FCSK: variants seen among roughly 807,000 people sequenced by gnomAD.
FCSK encodes fucose kinase.
FCSK carries 123 observed loss-of-function variants against 122.5 expected under a neutral mutation model. That is an observed-to-expected ratio of 1.00 (90% confidence interval 0.87 to 1.17). The LOEUF (loss-of-function observed/expected upper bound fraction) is 1.17, where lower values mean the gene tolerates loss of function less well. FCSK is among the 50% of genes most tolerant of loss of function. The pLI, the probability that FCSK is intolerant of heterozygous loss-of-function variation, is 0.00. For synonymous variants in FCSK, 620 were observed against 625.5 expected, an observed-to-expected ratio of 0.99 and a Z score of 0.13; for missense variants, 1,366 against 1,450.4, an observed-to-expected ratio of 0.94 and a Z score of 0.95.
chr16:70,461,476 G>C (rs1481105559), intron 1 of FCSK, among the ~76,000 whole-genome samples: 2 of 152,074 alleles, frequency 1.3e-5, no homozygotes, highest in Non-Finnish European at 2.9e-5. Flanking sequence ...AGGGGTGGGG[G>C]TGAAGCCAAA....
rs748651971 is a variant in FCSK at position 70,467,409 on chromosome 16, A to G, written c.520A>G (p.Ile174Val). The stretch of plus-strand genomic sequence containing the variant: ...GGACAGCTTCCGGGGAGCCAGAGTG[A>G]TCGCCCTCCCAGGGAGCCCGGCCTA... ...SWDSFRGARV[I>V]ALPGSPAYAQ... is the part of the protein sequence containing the mutation. The change falls in exon 7 of 24, where the codon ATC becomes GTC. Residue 174 changes from isoleucine to valine, a missense_variant. By Grantham distance (29) the Ile-to-Val change is conservative. Transcript: ENST00000288078. 5.0e-6 allele frequency: 8 copies of G among 1,610,940 alleles called. No homozygotes were observed. The African/African-American group carries it at 1.1e-4, about 22-fold the overall frequency.
rs935905576 is a variant in FCSK, at chr16:70,469,134, T to G, written c.784-18T>G. ...ACCCCTGCCATGCCAATAGCTGTGC[T>G]TCTTCCCCTTCCCCTAGCTGTCTCT... On this transcript the variant is annotated intron_variant, in intron 9 of 23. Transcript: ENST00000288078. 6.2e-7 allele frequency: 1 copy of G among 1,613,856 alleles called. No homozygotes were observed. The highest frequency in any genetic ancestry group is 1.3e-5 in the African/African-American group (1 of 75,056).
chr16:70,478,974 ATGCTGGG>A, intron 22 of FCSK, 199 bp from the exon 23 acceptor site: 1 of 664,354 alleles, frequency 1.5e-6, no homozygotes, highest in East Asian at 2.7e-5. Context: ...GATGCCGACT[ATGCTGGG>A]TGTGGTGTTG....
Position 70,469,064 on chromosome 16 carries a change from C to T in FCSK, c.784-88C>T, listed in dbSNP as rs922476039. ...CTTCCCCTCTCTGGGGCAGAGTCTCCGCAGACGGGACTGCCCTGGTTCAGC... is the reference window on the plus strand; with the variant it reads ...CTTCCCCTCTCTGGGGCAGAGTCTCTGCAGACGGGACTGCCCTGGTTCAGC... On this transcript the variant is annotated intron_variant, in intron 9 of 23. Coordinates refer to ENST00000288078, the MANE Select transcript of FCSK (RefSeq NM_145059.3). 21 of 1,606,520 alleles carry T rather than the reference C, an allele frequency of 1.3e-5. No individual in the cohort carries two copies. In the African/African-American group the frequency reaches 1.5e-4, roughly 11 times the overall value.
At position 70,468,712 on chromosome 16, in the gene FCSK, G is replaced by A. The variant is rs1025931704; in HGVS notation, c.664-137G>A. On this transcript the variant is annotated intron_variant, in intron 8 of 23. Coordinates refer to ENST00000288078, the MANE Select transcript of FCSK (RefSeq NM_145059.3). ...CAAGTAAGCCTGGAGTCTGGCTGCTGGAGTGGTCAGAAGGTGACACTCCCT... is the reference window on the plus strand; with the variant it reads ...CAAGTAAGCCTGGAGTCTGGCTGCTAGAGTGGTCAGAAGGTGACACTCCCT... 1.0e-5 allele frequency: 11 copies of A among 1,059,776 alleles called. No homozygotes were observed. In the African/African-American group the frequency reaches 1.3e-4, roughly 12 times the overall value. 65.6% of individuals were successfully genotyped at this position (1,059,776 alleles called of 1,614,324 possible).
Position 70,472,990 on chromosome 16 carries a change from G to T in FCSK, c.1414G>T (p.Asp472Tyr). The stretch of plus-strand genomic sequence containing the variant: ...GCCTTCTCCCCACATCAGAGCCTGG[G>T]ACCTGTGGGACCCTGAGACGCTGCC... ...FFKRTGVRAW[D>Y]LWDPETLPAE... Residue 472 changes from aspartate (D) to tyrosine (Y), a missense_variant, in exon 15 of 24, where the codon GAC becomes TAC. Physicochemically the swap from Asp to Tyr is radical, Grantham distance 160. Coordinates refer to ENST00000288078, the MANE Select transcript of FCSK (RefSeq NM_145059.3). The T allele has an allele frequency of 6.2e-7, 1 of 1,602,488 alleles. No homozygotes were observed. The highest frequency in any genetic ancestry group is 8.5e-7 in the Non-Finnish European group (1 of 1,175,102).
chr16:70,474,480 C>T (rs1016469603), intron 16 of FCSK, 48 bp from the exon 17 acceptor site: 1 of 1,546,604 alleles, frequency 6.5e-7, no homozygotes, highest in Non-Finnish European at 8.7e-7. Flanking sequence ...GGCAATCTGC[C>T]CCCAGCTTGG....
chr16:70,457,948 C>A (rs186063353), intron 1 of FCSK: 1 of 151,860 alleles, frequency 6.6e-6, no homozygotes, highest in African/African-American at 2.4e-5. Context: ...TTATCACTAT[C>A]ACCTGAATAA....
Position 70,473,045 on chromosome 16 carries a change from T to C in FCSK, c.1469T>C (p.Leu490Pro). The C allele has an allele frequency of 6.3e-7, 1 of 1,590,270 alleles. No homozygotes were observed. Among genetic ancestry groups the C allele is most frequent in the Non-Finnish European group, 8.6e-7 (1 of 1,169,280 alleles). Reference sequence around the variant, plus strand: ...GAGTACTGCCTTCCCAGCGCCCGCCTCTTTCCTGTGCTCCACCCCTCGAGG... The same window carrying C: ...GAGTACTGCCTTCCCAGCGCCCGCCCCTTTCCTGTGCTCCACCCCTCGAGG... ...PAEYCLPSAR[L>P]FPVLHPSREL... Residue 490 changes from leucine to proline, a missense_variant, in exon 15 of 24, where the codon CTC becomes CCC. Physicochemically the swap from Leu to Pro is moderately conservative, Grantham distance 98. Coordinates refer to ENST00000288078, the MANE Select transcript of FCSK (RefSeq NM_145059.3). This position sits in a 1 kb window ranked among gnomAD's most constrained non-coding sequence, Gnocchi z 4.9.
intron 4 of FCSK, among the ~76,000 whole-genome samples, chr16:70,465,488 A>G (rs1472865039): frequency 6.6e-6 from 1 of 151,810 alleles, no homozygotes; most frequent in Non-Finnish European, 1.5e-5. Context: ...GTGAAACCTC[A>G]TCTCTATAAG....
rs1166006978 is a variant in FCSK at position 70,478,305 on chromosome 16, T to TG, written c.2676dup (p.Pro893AlafsTer25). 1.2e-6 allele frequency: 2 copies of TG among 1,614,046 alleles called. No homozygotes were observed. Among genetic ancestry groups the TG allele is most frequent in the African/African-American group, 2.7e-5 (2 of 74,940 alleles). On this transcript the variant is annotated frameshift_variant, in exon 21 of 24. Coordinates refer to ENST00000288078, the MANE Select transcript of FCSK (RefSeq NM_145059.3). LOFTEE classifies it high-confidence loss of function. ...TGGCAGGACCAAGTAGGTGGCCTAA[T>TG]GCCTGGCATCAAGGTGGGGCGCTCC...
chr16:70,478,937 C>G (rs2048907841), intron 22 of FCSK: 1 of 688,440 alleles, frequency 1.5e-6, no homozygotes, highest in Non-Finnish European at 2.6e-6. Flanking sequence ...GGGCAGGGTC[C>G]CCAGTGTGTG....
chr16:70,465,673 C>T (rs932406786), intron 4 of FCSK, among the ~76,000 whole-genome samples: 1 of 152,062 alleles, frequency 6.6e-6, no homozygotes, highest in African/African-American at 2.4e-5. Flanking sequence ...AGGCTGGGCG[C>T]AGTGGCTCAC....
rs574875712 is a variant in FCSK at position 70,479,713 on chromosome 16, G to A, written c.*33G>A. 2 of 1,563,168 alleles carry A rather than the reference G, an allele frequency of 1.3e-6. No homozygotes were observed. The highest frequency in any genetic ancestry group is 4.5e-5 in the East Asian group (2 of 44,482). On this transcript the variant is annotated 3_prime_UTR_variant, in exon 24 of 24. Transcript: ENST00000288078. ...TTCTCTCTGCAACAGGAGAAAACCT[G>A]GAGCTACAGTGTCCCCCACCTTCCT...
chr16:70,478,542 C>T lies in FCSK; in HGVS notation c.2830-9C>T, dbSNP rs765783703. 26 of 1,613,224 alleles carry T rather than the reference C, an allele frequency of 1.6e-5. No homozygotes were observed. Among genetic ancestry groups the T allele is most frequent in the African/African-American group, 6.7e-5 (5 of 74,926 alleles). ...GTCCTCACCACCCCTTCTCCTGCCC[C>T]GTCCGCAGGATGTGCTGAGGAGCTG... On this transcript the variant is annotated splice_polypyrimidine_tract_variant and intron_variant, in intron 21 of 23. Transcript: ENST00000288078.
intron 7 of FCSK, 108 bp from the exon 8 acceptor site, chr16:70,467,778 C>A: frequency 1.1e-6 from 1 of 908,714 alleles, no homozygotes. Context: ...GCCAGCCTTG[C>A]GTCCTCAGCT....
In FCSK at chr16:70,473,653, T is replaced by C. The variant is rs2048704407; in HGVS notation, c.1777+300T>C. Among the ~76,000 whole-genome samples the C allele has an allele frequency of 6.6e-6, 1 of 152,084 alleles. No homozygotes were observed. The highest frequency in any genetic ancestry group is 1.5e-5 in the Non-Finnish European group (1 of 68,006). ...GTGTTCTGTACTGGGTGCCAGGATG[T>C]GGGTGCAGAGCGTGGCGAGGGGACA... is the stretch of plus-strand genomic sequence containing the variant. On this transcript the variant is annotated intron_variant, in intron 15 of 23. Transcript: ENST00000288078. This position sits in a 1 kb window ranked among gnomAD's most constrained non-coding sequence, Gnocchi z 4.9.
Position 70,471,329 on chromosome 16 carries a change from G to T in FCSK, c.1318G>T (p.Val440Phe), listed in dbSNP as rs756236846. The T allele has an allele frequency of 8.8e-6, 14 of 1,593,426 alleles. No homozygotes were observed. The highest frequency in any genetic ancestry group is 1.3e-5 in the African/African-American group (1 of 74,678). ...HGSPGHAFTL[V>F]GRLDSWERQG... ...CTCCCCGGGCCACGCCTTCACCCTC[G>T]TTGGCCGTCTGGACAGCTGGGAGGT... is the stretch of plus-strand genomic sequence containing the variant. Residue 440 changes from valine (V) to phenylalanine (F), a missense_variant, in exon 13 of 24, where the codon GTT (valine) becomes TTT (phenylalanine). Val to Phe is a conservative substitution (Grantham distance 50). Transcript: ENST00000288078.
intron 1 of FCSK, among the ~76,000 whole-genome samples, chr16:70,462,008 C>T (rs17882471): frequency 0.041 from 6,260 of 152,272 alleles, 448 homozygotes; most frequent in African/African-American, 0.14. Flanking sequence ...ACAGATGCGG[C>T]CCATCCATGC....
Sources: gnomAD v4.1 joint callset for allele counts (sites outside exome capture counted in the v4.1 genomes callset) on GRCh38, gnomAD v4.1.1 for gene constraint, Gnocchi (gnomAD v3.1) non-coding constraint, MANE v1.5 for transcripts, NCBI Gene and HGNC (gene_info 2026-07-23, HGNC 2026-07-21) for gene names.